The following PEX5L variants were observed in gnomAD, a reference collection of about 807,000 sequenced individuals.
PEX5L encodes PEX5-related protein.
A neutral mutation model predicts 84.0 loss-of-function variants in PEX5L; 30 were observed. The ratio of observed to expected loss-of-function variants is 0.36; its 90% CI spans 0.27 to 0.48. The LOEUF (loss-of-function observed/expected upper bound fraction) is 0.48. PEX5L is among the 20% of genes least tolerant of loss of function. The pLI is 0.99. For missense variants in PEX5L, 533 were observed against 754.6 expected (o/e 0.71, Z 3.44); for synonymous variants, 270 against 283.1 (o/e 0.95, Z 0.46).
rs773452829 is a variant in PEX5L at position 179,880,010 on chromosome 3, C to T, written c.424G>A (p.Asp142Asn). The T allele has an allele frequency of 5.1e-5, 83 of 1,613,910 alleles. No homozygotes were observed. In the Admixed American group the frequency reaches 9.2e-4, roughly 18 times the overall value. The change falls in exon 5 of 15, where the codon GAT (aspartate) becomes AAT (asparagine). Residue 142 changes from aspartate (D) to asparagine (N), a missense_variant. By Grantham distance (23) the Asp-to-Asn change is conservative (BLOSUM62 1). Coordinates refer to ENST00000467460, the MANE Select transcript of PEX5L (RefSeq NM_016559.3). ...SKTSSLKKKA[D>N]GSDLISTDAE... ...TCCGTGCTGATGAGGTCAGATCCAT[C>T]GGCCTTTTTCTTGAGGGATGAGGTT...
intron 8 of PEX5L, among the ~76,000 whole-genome samples, chr3:179,837,986 C>A (rs1026138027): frequency 6.6e-6 from 1 of 152,120 alleles, no homozygotes; most frequent in Non-Finnish European, 1.5e-5. Flanking sequence ...GTGTTGCATT[C>A]CCCCAAAAGT....
chr3:179,919,372 C>T (rs894644207), intron 2 of PEX5L, among the ~76,000 whole-genome samples: 1 of 152,192 alleles, frequency 6.6e-6, no homozygotes. Flanking sequence ...ATAGAAATCA[C>T]TTTTAGGCTT....
chr3:179,889,198 C>T (rs1225493393), intron 3 of PEX5L, among the ~76,000 whole-genome samples: 15 of 152,304 alleles, frequency 9.8e-5, no homozygotes. Flanking sequence ...CTCACCTTCG[C>T]TACATTGTTT....
At position 179,797,268 on chromosome 3, in the gene PEX5L, A is replaced by T. The variant is rs896062680; in HGVS notation, c.*4560T>A. 1 of 152,180 alleles carries T rather than the reference A, an allele frequency of 6.6e-6. No individual in the cohort carries two copies. The highest frequency in any genetic ancestry group is 1.5e-5 in the Non-Finnish European group (1 of 68,018). The allele number at this position is 152,180 out of a possible 1,614,324, so 9.4% of individuals were successfully genotyped here. On this transcript the variant is annotated 3_prime_UTR_variant, in exon 15 of 15. Transcript: ENST00000467460. ...CACTGTAGAAACCAGATGTGTGAAT[A>T]TCTGTAAAGTTCAGTGTGATAGCAT...
At chr3:179,980,136 A>G (rs147246865) in intron 1 of PEX5L, among the ~76,000 whole-genome samples, 1 of 152,290 alleles carries the variant, frequency 6.6e-6, no homozygotes, top group Admixed American at 6.5e-5. Context: ...AAACTCTGAC[A>G]CATGCTTGAG....
intron 2 of PEX5L, among the ~76,000 whole-genome samples, chr3:179,935,286 CAAAG>C (rs1247156449): frequency 5.9e-5 from 9 of 152,138 alleles, no homozygotes; most frequent in African/African-American, 1.7e-4. Flanking sequence ...ACCATATACA[CAAAG>C]AAAGAAAGAT....
intron 2 of PEX5L, among the ~76,000 whole-genome samples, chr3:179,964,535 T>C (rs2110142703): frequency 6.6e-6 from 1 of 152,316 alleles, no homozygotes; most frequent in African/African-American, 2.4e-5. Context: ...AAGAAGATGC[T>C]TGCAAACTAT....
intron 7 of PEX5L, among the ~76,000 whole-genome samples, chr3:179,870,668 C>T (rs1749992730): frequency 6.6e-6 from 1 of 152,180 alleles, no homozygotes; most frequent in South Asian, 2.1e-4. Flanking sequence ...CTTCCCTCTC[C>T]TCTATGAAGA....
chr3:179,982,932 C>A (rs1050619297), intron 1 of PEX5L, among the ~76,000 whole-genome samples: 1 of 151,790 alleles, frequency 6.6e-6, no homozygotes, highest in African/African-American at 2.4e-5. Flanking sequence ...TTAAAAAAAA[C>A]CACTAAAAAT....
At chr3:179,912,954 C>G (rs1228004581) in intron 2 of PEX5L, among the ~76,000 whole-genome samples, 1 of 152,092 alleles carries the variant, frequency 6.6e-6, no homozygotes, top group Non-Finnish European at 1.5e-5. Flanking sequence ...AGCCCTCAGG[C>G]CTGTCATATC....
In PEX5L at chr3:179,982,097, G is replaced by C. The variant is rs151332691; in HGVS notation, c.22-10432C>G. On this transcript the variant is annotated intron_variant, in intron 1 of 14. Coordinates refer to ENST00000467460, the MANE Select transcript of PEX5L (RefSeq NM_016559.3). ...CCCTTGCATTTCACTTGTTTTTAACGTATCAGAGGACAAAACCTTATAATG... is the reference window on the plus strand; with the variant it reads ...CCCTTGCATTTCACTTGTTTTTAACCTATCAGAGGACAAAACCTTATAATG... Among the ~76,000 whole-genome samples the C allele has an allele frequency of 1.6e-3, 238 of 152,200 alleles. 2 individuals are homozygous for C. Among genetic ancestry groups the C allele is most frequent in the Middle Eastern group, 6.8e-3 (2 of 294 alleles).
At chr3:179,914,512 T>TG (rs1766327255) in intron 2 of PEX5L, among the ~76,000 whole-genome samples, 1 of 152,212 alleles carries the variant, frequency 6.6e-6, no homozygotes, top group South Asian at 2.1e-4. Context: ...AGTTGGATAT[T>TG]GGTTCTCATT....
intron 1 of PEX5L, among the ~76,000 whole-genome samples, chr3:180,013,709 T>G (rs981864793): frequency 2.0e-5 from 3 of 152,156 alleles, no homozygotes; most frequent in African/African-American, 7.2e-5. Flanking sequence ...TAATTACTAC[T>G]CAAACAATAG....
At chr3:179,980,595 G>A (rs1048385419) in intron 1 of PEX5L, among the ~76,000 whole-genome samples, 1 of 152,086 alleles carries the variant, frequency 6.6e-6, no homozygotes, top group African/African-American at 2.4e-5. Flanking sequence ...TTTCTAGAGG[G>A]TAGGCGTGCC....
rs4855125 is a variant in PEX5L at position 179,950,091 on chromosome 3, C to A, written c.93+21503G>T. Among the ~76,000 whole-genome samples, 5 of 152,088 alleles carry A rather than the reference C, an allele frequency of 3.3e-5. No individual in the cohort carries two copies. The South Asian group carries it at 1.0e-3, about 32-fold the overall frequency. ...AGGACTGTGTGCTCTCTGGCACTGC[C>A]ACCTGAATTTTCTTGGTCAGTGACA... is the stretch of plus-strand genomic sequence containing the variant. On this transcript the variant is annotated intron_variant, in intron 2 of 14. Transcript: ENST00000467460.
At chr3:179,928,281 T>C (rs1772038351) in intron 2 of PEX5L, among the ~76,000 whole-genome samples, 1 of 152,200 alleles carries the variant, frequency 6.6e-6, no homozygotes, top group African/African-American at 2.4e-5. Flanking sequence ...AGCTCAATAA[T>C]ATTTGCCAGA....
At chr3:180,013,147 C>T (rs998872469) in intron 1 of PEX5L, among the ~76,000 whole-genome samples, 4 of 152,146 alleles carry the variant, frequency 2.6e-5, no homozygotes, top group African/African-American at 2.4e-5. Flanking sequence ...TGAACATGCA[C>T]AGATTATTTT....
intron 1 of PEX5L, among the ~76,000 whole-genome samples, chr3:179,998,261 G>A (rs2110407820): frequency 6.6e-6 from 1 of 152,308 alleles, no homozygotes; most frequent in Non-Finnish European, 1.5e-5. Flanking sequence ...GGATTTTGGA[G>A]GCAACACATT....
At chr3:179,807,619 A>C (rs1290845762) in intron 14 of PEX5L, 55 bp downstream of exon 14, 6 of 1,536,206 alleles carry the variant, frequency 3.9e-6, no homozygotes, top group African/African-American at 1.4e-5. Context: ...CTTTCAGATT[A>C]TTCGACCTCA....
Sources: allele counts gnomAD v4.1 joint callset (sites outside exome capture counted in the v4.1 genomes callset), GRCh38; gene constraint gnomAD v4.1.1; transcripts MANE v1.5; gene names NCBI Gene and HGNC (gene_info 2026-07-23, HGNC 2026-07-21).